The following PDS5B variants were observed in gnomAD, a reference collection of about 807,000 sequenced individuals.
PDS5B encodes sister chromatid cohesion protein PDS5 homolog B.
In PDS5B, 51 loss-of-function variants were observed where a neutral mutation model predicts 184.1. The observed-to-expected ratio is 0.28, with a 90% CI of 0.22 to 0.35. PDS5B has a LOEUF of 0.35. PDS5B is among the 10% of genes least tolerant of loss of function. PDS5B has a pLI of 1.00. For synonymous variants in PDS5B, 566 were observed against 569.2 expected (o/e 0.99, Z 0.08); for missense variants, 1,180 against 1,723.3 (o/e 0.68, Z 5.58).
chr13:32,716,368 TGAG>T (rs1388740836), intron 19 of PDS5B, among the ~76,000 whole-genome samples: 1 of 146,750 alleles, frequency 6.8e-6, no homozygotes, highest in Non-Finnish European at 1.5e-5. Flanking sequence ...GTCTGGGAGG[TGAG>T]GAGTGTCTCT....
At chr13:32,588,207 A>G (rs1477128582) in intron 1 of PDS5B, among the ~76,000 whole-genome samples, 1 of 152,234 alleles carries the variant, frequency 6.6e-6, no homozygotes, top group Non-Finnish European at 1.5e-5. Context: ...TTCGTGCAAC[A>G]ATTAATCTTG....
chr13:32,616,623 A>G (rs2058224107), intron 1 of PDS5B, among the ~76,000 whole-genome samples: 1 of 152,214 alleles, frequency 6.6e-6, no homozygotes, highest in South Asian at 2.1e-4. Context: ...TTCTAATCCA[A>G]GGGAATTGGA....
intron 21 of PDS5B, among the ~76,000 whole-genome samples, chr13:32,740,482 AG>A (rs912171586): frequency 6.6e-6 from 1 of 152,152 alleles, no homozygotes; most frequent in African/African-American, 2.4e-5. Flanking sequence ...GGGTTACCTG[AG>A]GTGATATTCA....
chr13:32,623,434 G>A (rs1320761917), intron 1 of PDS5B, among the ~76,000 whole-genome samples: 15 of 152,148 alleles, frequency 9.9e-5, no homozygotes, highest in Admixed American at 9.8e-4. Context: ...TACAAAGTCG[G>A]TTTTAGTCCC....
intron 6 of PDS5B, among the ~76,000 whole-genome samples, chr13:32,665,931 CGTG>C (rs970152182): frequency 6.6e-6 from 1 of 151,994 alleles, no homozygotes; most frequent in Non-Finnish European, 1.5e-5. Context: ...TGTTTTCACT[CGTG>C]GGGGCTAAAG....
chr13:32,697,064 A>G (rs1432452668), intron 15 of PDS5B, among the ~76,000 whole-genome samples, 162 bp downstream of exon 15: 5 of 152,194 alleles, frequency 3.3e-5, no homozygotes, highest in Non-Finnish European at 7.4e-5. Flanking sequence ...GATTTAGTAC[A>G]TAAATTTATT....
At chr13:32,663,816 C>T (rs780394197) in intron 6 of PDS5B, among the ~76,000 whole-genome samples, 2 of 152,128 alleles carry the variant, frequency 1.3e-5, no homozygotes, top group Admixed American at 6.5e-5. Context: ...GCCCCTGTCA[C>T]CTGAGAAGTG....
At chr13:32,716,413 C>T (rs1321623280) in intron 19 of PDS5B, among the ~76,000 whole-genome samples, 3 of 149,730 alleles carry the variant, frequency 2.0e-5, no homozygotes, top group African/African-American at 7.4e-5. Flanking sequence ...AGTGAGGAGA[C>T]CCTCTGCCTG....
chr13:32,648,209 C>T (rs1950276519), intron 1 of PDS5B, among the ~76,000 whole-genome samples: 1 of 152,144 alleles, frequency 6.6e-6, no homozygotes, highest in Non-Finnish European at 1.5e-5. Flanking sequence ...GGTATATCTT[C>T]TTTGGGTAGG....
At chr13:32,663,114 G>A (rs764184970) in intron 6 of PDS5B, among the ~76,000 whole-genome samples, 52 of 152,092 alleles carry the variant, frequency 3.4e-4, no homozygotes, top group East Asian at 5.8e-4. Flanking sequence ...AACAACAATA[G>A]CAACGATAAT....
At chr13:32,586,823 G>T (rs1010331698) in intron 1 of PDS5B, among the ~76,000 whole-genome samples, 3 of 145,580 alleles carry the variant, frequency 2.1e-5, no homozygotes, top group Non-Finnish European at 4.6e-5. Flanking sequence ...TGCGCGGTGG[G>T]GGTGGGGAGG....
chr13:32,686,463 A>G, intron 11 of PDS5B, among the ~76,000 whole-genome samples: 1 of 152,154 alleles, frequency 6.6e-6, no homozygotes, highest in East Asian at 1.9e-4. Flanking sequence ...GGGTTTATCC[A>G]TTTAATTCTG....
intron 19 of PDS5B, among the ~76,000 whole-genome samples, chr13:32,717,639 A>G (rs1341543552): frequency 7.2e-6 from 1 of 139,492 alleles, no homozygotes; most frequent in Non-Finnish European, 1.5e-5. Context: ...CTATTGTCCT[A>G]TGACCCTGCC....
intron 30 of PDS5B, 59 bp downstream of exon 30, chr13:32,760,779 C>T: frequency 6.8e-7 from 1 of 1,480,424 alleles, no homozygotes; most frequent in Non-Finnish European, 9.3e-7. Flanking sequence ...GCTATGAGAT[C>T]TGAAATAATA....
intron 9 of PDS5B, among the ~76,000 whole-genome samples, chr13:32,676,564 G>T (rs551080506): frequency 1.3e-5 from 2 of 152,122 alleles, no homozygotes; most frequent in African/African-American, 2.4e-5. Flanking sequence ...GCCGAAACCC[G>T]CTCTGACTCA....
rs1265987542 is a variant in PDS5B, at chr13:32,758,588, A to G, written c.3244A>G (p.Thr1082Ala). 2 of 1,611,348 alleles carry G rather than the reference A, an allele frequency of 1.2e-6. No homozygotes were observed. The highest frequency in any genetic ancestry group is 1.7e-6 in the Non-Finnish European group (2 of 1,177,550). ...AMNIIMSKST[T>A]YSLESPKDPV... ...GAATATCATCATGTCAAAGAGTACTACATACAGTTTGGAATCTCCTAAAGA... is the reference window on the plus strand; with the variant it reads ...GAATATCATCATGTCAAAGAGTACTGCATACAGTTTGGAATCTCCTAAAGA... Residue 1082 changes from threonine (T) to alanine (A), a missense_variant, in exon 28 of 35, where the codon ACA (threonine) becomes GCA (alanine). Coordinates refer to ENST00000315596, the MANE Select transcript of PDS5B (RefSeq NM_015032.4).
intron 3 of PDS5B, among the ~76,000 whole-genome samples, chr13:32,656,779 T>C (rs1049742762): frequency 6.6e-6 from 1 of 152,094 alleles, no homozygotes; most frequent in Non-Finnish European, 1.5e-5. Flanking sequence ...GTATTTTTAG[T>C]AGAGATGGGG....
intron 6 of PDS5B, among the ~76,000 whole-genome samples, chr13:32,663,638 TG>T (rs1950709548): frequency 6.6e-6 from 1 of 152,200 alleles, no homozygotes; most frequent in Admixed American, 6.5e-5. Flanking sequence ...TTCTCTTTGA[TG>T]TGAGGAACAT....
chr13:32,716,958 G>A (rs1309536593), intron 19 of PDS5B, among the ~76,000 whole-genome samples: 1 of 117,378 alleles, frequency 8.5e-6, no homozygotes, highest in Admixed American at 7.7e-5. Flanking sequence ...CACCCCGTCC[G>A]GGAGGGAGGT....
Sources: allele counts gnomAD v4.1 joint callset (sites outside exome capture counted in the v4.1 genomes callset), GRCh38; gene constraint gnomAD v4.1.1; transcripts MANE v1.5; gene names NCBI Gene and HGNC (gene_info 2026-07-23, HGNC 2026-07-21).